FAT1: variants seen among roughly 807,000 people sequenced by gnomAD.
FAT1 encodes protocadherin Fat 1.
Under a neutral mutation model 329.8 loss-of-function variants are expected in FAT1, and 171 were observed. The observed-to-expected ratio is 0.52, with a 90% CI of 0.46 to 0.59. FAT1 has a LOEUF of 0.59. Ranked by LOEUF, FAT1 falls within the 20% of genes least tolerant of loss-of-function variation. FAT1 has a pLI of 0.00. For missense variants in FAT1, 5,672 were observed against 5,774.4 expected (o/e 0.98, Z 0.57); for synonymous variants, 2,233 against 2,228.6 (o/e 1.00, Z -0.06).
intron 2 of FAT1, among the ~76,000 whole-genome samples, chr4:186,685,348 A>G (rs1743413073): frequency 6.6e-6 from 1 of 152,232 alleles, no homozygotes; most frequent in Non-Finnish European, 1.5e-5. Context: ...CCACAATAAG[A>G]GCAACTTAGC....
chr4:186,645,968 T>TATACACAC (rs1360294625), intron 3 of FAT1, among the ~76,000 whole-genome samples: 13 of 105,230 alleles, frequency 1.2e-4, no homozygotes, highest in African/African-American at 4.7e-4. Context: ...AAAAAATATA[T>TATACACAC]ACACACACAC....
chr4:186,619,485 C>T lies in FAT1; in HGVS notation c.7101G>A (p.Met2367Ile), dbSNP rs1739915366. Residue 2367 changes from methionine to isoleucine, a missense_variant, in exon 10 of 27, where the codon ATG becomes ATA. Met to Ile is a conservative substitution (Grantham distance 10). Transcript: ENST00000441802. ...CAATCACATCACTGCTCAGCGTGGG[C>T]ATACCACCATCAACTGCCCTCACAA... ...TIFVRAVDGG[M>I]PTLSSDVIVT... 6.2e-7 allele frequency: 1 copy of T among 1,613,850 alleles called. No individual in the cohort carries two copies. The highest frequency in any genetic ancestry group is 8.5e-7 in the Non-Finnish European group (1 of 1,179,904).
chr4:186,598,194 T>C, intron 22 of FAT1, 69 bp from the exon 23 acceptor site: 1 of 1,377,082 alleles, frequency 7.3e-7, no homozygotes, highest in Non-Finnish European at 9.7e-7. Context: ...TTAATTATAT[T>C]GCTTTTTATC....
chr4:186,655,578 G>A (rs1222169130), intron 3 of FAT1, among the ~76,000 whole-genome samples: 1 of 152,054 alleles, frequency 6.6e-6, no homozygotes, highest in African/African-American at 2.4e-5. Flanking sequence ...GGGATTACAG[G>A]TGTGCACCAC....
At position 186,645,945 on chromosome 4, in the gene FAT1, CAAA is replaced by C. The variant is rs773581100; in HGVS notation, c.3581-6165_3581-6163del. 3.3e-3 allele frequency among the ~76,000 whole-genome samples: 191 copies of C among 58,204 alleles called. 5 individuals are homozygous for C. The highest frequency in any genetic ancestry group is 0.012 in the African/African-American group (187 of 15,586). The allele number at this position is 58,204 out of a possible 152,430, so 38.2% of individuals were successfully genotyped here. ...TAGGTTACAGAGTGAGACTGTCTCA[CAAA>C]AAAAAAAAAAAAAAATATATACACA... On this transcript the variant is annotated intron_variant, in intron 3 of 26. Coordinates refer to ENST00000441802, the MANE Select transcript of FAT1 (RefSeq NM_005245.4).
rs1411356794 is a variant in FAT1 at position 186,722,762 on chromosome 4, T to A, written c.-19+902A>T. On this transcript the variant is annotated intron_variant, in intron 1 of 26. Transcript: ENST00000441802. ...TCTGCTTTTGAAAAGGAAATGAATA[T>A]CTGAAGGTCATTTTCTTTTCAATCT... Among the ~76,000 whole-genome samples the A allele has an allele frequency of 3.9e-5, 6 of 152,306 alleles. No homozygotes were observed. The East Asian group carries it at 1.2e-3, about 29-fold the overall frequency.
chr4:186,633,766 G>A lies in FAT1; in HGVS notation c.4241C>T (p.Ala1414Val). The change falls in exon 7 of 27, where the codon GCC becomes GTC. Residue 1414 changes from alanine (A) to valine (V), a missense_variant. This residue lies in a region of FAT1 where 3,966 missense variants were observed against 3,915.2 expected (regional missense o/e 1.01). Transcript: ENST00000441802. ...VDKGTGTIIVAKPLDAEQKSN... is the reference protein window; with the variant it reads ...VDKGTGTIIVVKPLDAEQKSN... Reference sequence around the variant, plus strand: ...CTTCTGTTCTGCATCAAGAGGTTTGGCAACAATGATGGTTCCAGTTCCCTT... The same window carrying A: ...CTTCTGTTCTGCATCAAGAGGTTTGACAACAATGATGGTTCCAGTTCCCTT... 1 of 1,613,950 alleles carries A rather than the reference G, an allele frequency of 6.2e-7. No individual in the cohort carries two copies. Among genetic ancestry groups the A allele is most frequent in the Non-Finnish European group, 8.5e-7 (1 of 1,179,878 alleles).
intron 3 of FAT1, among the ~76,000 whole-genome samples, chr4:186,649,540 AGAG>A (rs1311099205): frequency 6.6e-6 from 1 of 152,188 alleles, no homozygotes; most frequent in Admixed American, 6.5e-5. Context: ...AGAGAAAGGT[AGAG>A]GAGATTTGAG....
chr4:186,604,490 T>G lies in FAT1; in HGVS notation c.10435A>C (p.Thr3479Pro). Residue 3479 changes from threonine (T) to proline (P), a missense_variant, in exon 18 of 27, where the codon ACT (threonine) becomes CCT (proline). By Grantham distance (38) the Thr-to-Pro change is conservative. Coordinates refer to ENST00000441802, the MANE Select transcript of FAT1 (RefSeq NM_005245.4). ...TTCTCATCATTTCCAGTTACAATAG[T>G]AAAGAAGAAGGGTGGACCGTTATGG... Reference protein sequence around the residue: ...SSHNGPPFFFTIVTGNDEKAF... With the variant: ...SSHNGPPFFFPIVTGNDEKAF... 1 of 1,613,732 alleles carries G rather than the reference T, an allele frequency of 6.2e-7. No homozygotes were observed. The highest frequency in any genetic ancestry group is 8.5e-7 in the Non-Finnish European group (1 of 1,179,700).
chr4:186,615,957 T>C (rs1270941763), intron 11 of FAT1, among the ~76,000 whole-genome samples: 1 of 152,140 alleles, frequency 6.6e-6, no homozygotes, highest in Non-Finnish European at 1.5e-5. Context: ...ACGGAACTCC[T>C]CTAAAACCAG....
chr4:186,653,746 C>A (rs541179569), intron 3 of FAT1, among the ~76,000 whole-genome samples: 1 of 152,244 alleles, frequency 6.6e-6, no homozygotes, highest in African/African-American at 2.4e-5. Flanking sequence ...TGGAACACAG[C>A]GGTGCTCACT....
rs758123411 is a variant in FAT1 at position 186,628,281 on chromosome 4, C to T, written c.4683G>A (p.Trp1561Ter). ...GCCCTTTGTAGGAGGAAGCGGTGAACCACGGGGCGTGGTCATTCGTGTCGC... is the reference window on the plus strand; with the variant it reads ...GCCCTTTGTAGGAGGAAGCGGTGAATCACGGGGCGTGGTCATTCGTGTCGC... ...NVSDTNDHAP[W>*]FTASSYKGRV... The change falls in exon 9 of 27, where the codon TGG (tryptophan) becomes TGA (stop). Residue 1561 changes from tryptophan (W) to a stop codon, truncating the protein, a stop_gained. Coordinates refer to ENST00000441802, the MANE Select transcript of FAT1 (RefSeq NM_005245.4). LOFTEE classifies it high-confidence loss of function. 1 of 1,613,814 alleles carries T rather than the reference C, an allele frequency of 6.2e-7. No homozygotes were observed. The highest frequency in any genetic ancestry group is 2.2e-5 in the East Asian group (1 of 44,876).
At chr4:186,712,606 A>G (rs940251055) in intron 1 of FAT1, among the ~76,000 whole-genome samples, 4 of 152,208 alleles carry the variant, frequency 2.6e-5, no homozygotes, top group African/African-American at 9.6e-5. Context: ...CTAAGGAGAA[A>G]ACTAAAGCAG....
chr4:186,597,969 T>A lies in FAT1; in HGVS notation c.12257+3A>T, dbSNP rs2126401424. 1 of 1,596,014 alleles carries A rather than the reference T, an allele frequency of 6.3e-7. No homozygotes were observed. Among genetic ancestry groups the A allele is most frequent in the South Asian group, 1.1e-5 (1 of 87,352 alleles). On this transcript the variant is annotated splice_donor_region_variant and intron_variant, in intron 23 of 26. Transcript: ENST00000441802. ...TTATGAAAGTTAAGAAAAATACACA[T>A]ACCTCTGACCAGTATATAATCCTCT...
rs10561120 is a variant in FAT1 at position 186,682,526 on chromosome 4, CAAA to C, written c.3266-18916_3266-18914del. On this transcript the variant is annotated intron_variant, in intron 2 of 26. Transcript: ENST00000441802. ...TGAGTGAAAGAGCGAGACTCTGTCT[CAAA>C]AAAAAAAAAAAAAAAGAAAGTTGTA... is the stretch of plus-strand genomic sequence containing the variant. 7.3e-4 allele frequency among the ~76,000 whole-genome samples: 87 copies of C among 119,734 alleles called. 1 individual carries two copies. The highest frequency in any genetic ancestry group is 3.3e-3 in the African/African-American group (83 of 25,396). 78.6% of individuals were successfully genotyped at this position (119,734 alleles called of 152,430 possible). A position where few individuals can be genotyped will look rare whatever the true frequency, so the allele number is the denominator to read the frequency against.
intron 17 of FAT1, among the ~76,000 whole-genome samples, chr4:186,605,387 T>G (rs1420330207): frequency 3.5e-4 from 22 of 62,780 alleles, no homozygotes; most frequent in Admixed American, 8.6e-4. Context: ...GGAGAAAGAG[T>G]GGAGACAGTG....
At position 186,597,031 on chromosome 4, in the gene FAT1, T is replaced by C. The variant is rs1738559722; in HGVS notation, c.12509A>G (p.Tyr4170Cys). 13 of 1,613,858 alleles carry C rather than the reference T, an allele frequency of 8.1e-6. No homozygotes were observed. Among genetic ancestry groups the C allele is most frequent in the Non-Finnish European group, 1.1e-5 (13 of 1,179,908 alleles). Residue 4170 changes from tyrosine to cysteine, a missense_variant, in exon 25 of 27, where the codon TAT becomes TGT. By Grantham distance (194) the Tyr-to-Cys change is radical. Around this residue, in one of 2 missense-constraint regions of FAT1, gnomAD observed 1,706 missense variants for 1,859.1 expected, o/e 0.92. Coordinates refer to ENST00000441802, the MANE Select transcript of FAT1 (RefSeq NM_005245.4). ...RHCEDAAPNQ[Y>C]VSTPWNIGLA... ...CCCAATGTTCCACGGCGTGGACACATACTGGTTGGGCGCAGCATCCTCGCA... is the reference window on the plus strand; with the variant it reads ...CCCAATGTTCCACGGCGTGGACACACACTGGTTGGGCGCAGCATCCTCGCA...
chr4:186,687,855 A>G (rs1159472291), intron 2 of FAT1, among the ~76,000 whole-genome samples: 1 of 152,146 alleles, frequency 6.6e-6, no homozygotes, highest in Non-Finnish European at 1.5e-5. Flanking sequence ...CGTTCAGTAA[A>G]TGTTTTCTGT....
At chr4:186,702,040 C>G (rs1348030053) in intron 2 of FAT1, among the ~76,000 whole-genome samples, 1 of 151,754 alleles carries the variant, frequency 6.6e-6, no homozygotes, top group Admixed American at 6.6e-5. Context: ...AGCCGACCCC[C>G]ACACAGGTGA....
Sources: gnomAD v4.1 joint callset for allele counts (sites outside exome capture counted in the v4.1 genomes callset) on GRCh38, gnomAD v4.1.1 for gene constraint, gnomAD v4.1.1 regional missense constraint, MANE v1.5 for transcripts, NCBI Gene and HGNC (gene_info 2026-07-23, HGNC 2026-07-21) for gene names.